Variants in MARCO observed in about 807,000 individuals in gnomAD.
MARCO encodes macrophage receptor with collagenous structure, also known as macrophage receptor MARCO.
MARCO carries 72 observed loss-of-function variants against 70.0 expected under a neutral mutation model. That is an observed-to-expected ratio of 1.03 (90% confidence interval 0.85 to 1.25). The LOEUF is 1.25. MARCO is among the 50% of genes most tolerant of loss of function. The pLI is 0.00. For synonymous variants in MARCO, 273 were observed against 243.1 expected, an observed-to-expected ratio of 1.12 and a Z score of -1.14; for missense variants, 696 against 659.3, an observed-to-expected ratio of 1.06 and a Z score of -0.61.
chr2:118,972,713 T>C (rs1389232724), intron 4 of MARCO, among the ~76,000 whole-genome samples: 3 of 152,248 alleles, frequency 2.0e-5, no homozygotes, highest in Non-Finnish European at 2.9e-5. Context: ...TCTGTTATTC[T>C]TGAGAAAACT....
Position 118,991,860 on chromosome 2 carries a change from G to C in MARCO, c.1192G>C (p.Asp398His). ...GAPGQAGQKG[D>H]QGVKGSSGEQ... The stretch of plus-strand genomic sequence containing the variant: ...CCCTGGACAAGCTGGCCAGAAGGGA[G>C]ACCAGGGAGTGAAAGGTAAGGCCTC... The change falls in exon 14 of 17, where the codon GAC becomes CAC. Residue 398 changes from aspartate to histidine, a missense_variant. Physicochemically the swap from Asp to His is moderately conservative, Grantham distance 81. Transcript: ENST00000327097. The C allele has an allele frequency of 1.9e-6, 3 of 1,597,458 alleles. No homozygotes were observed. The highest frequency in any genetic ancestry group is 2.6e-6 in the Non-Finnish European group (3 of 1,173,076).
At chr2:118,949,453 G>A (rs1679675957) in intron 1 of MARCO, 1 of 152,206 alleles carries the variant, frequency 6.6e-6, no homozygotes, top group Admixed American at 6.5e-5. Flanking sequence ...GTCATAGTTT[G>A]ATTTTGTAGG....
intron 2 of MARCO, 104 bp from the exon 3 acceptor site, chr2:118,970,010 T>G (rs1680131138): frequency 2.0e-6 from 2 of 1,004,816 alleles, no homozygotes; most frequent in Non-Finnish European, 3.1e-6. Flanking sequence ...AATTTGTGTT[T>G]ACAAATTCAG....
Position 118,971,532 on chromosome 2 carries a change from C to T in MARCO, c.458C>T (p.Pro153Leu). 6.2e-7 allele frequency: 1 copy of T among 1,613,926 alleles called. No homozygotes were observed. Among genetic ancestry groups the T allele is most frequent in the Non-Finnish European group, 8.5e-7 (1 of 1,179,862 alleles). ...MFRIKGEQGA[P>L]GLQGHKGAMG... Reference sequence around the variant, plus strand: ...AGAATCAAAGGTGAACAAGGCGCCCCAGGTAGGTTCATTTCCACTCACACC... The same window carrying T: ...AGAATCAAAGGTGAACAAGGCGCCCTAGGTAGGTTCATTTCCACTCACACC... The change falls in exon 4 of 17, where the codon CCA becomes CTA. Residue 153 changes from proline to leucine, a missense_variant and splice_region_variant. By Grantham distance (98) the Pro-to-Leu change is moderately conservative (BLOSUM62 -3). Coordinates refer to ENST00000327097, the MANE Select transcript of MARCO (RefSeq NM_006770.4).
chr2:118,963,817 A>G (rs1679993568), intron 1 of MARCO, among the ~76,000 whole-genome samples: 1 of 152,172 alleles, frequency 6.6e-6, no homozygotes, highest in Admixed American at 6.5e-5. Context: ...CAGTTTGGCA[A>G]TATCCGTCCT....
chr2:118,982,439 T>A (rs769187066), intron 12 of MARCO, 29 bp downstream of exon 12: 1 of 1,603,554 alleles, frequency 6.2e-7, no homozygotes, highest in East Asian at 2.2e-5. Context: ...GGTGAGTAGG[T>A]GGGCTTGCTG....
intron 1 of MARCO, among the ~76,000 whole-genome samples, chr2:118,966,679 G>A (rs1306064954): frequency 6.6e-6 from 1 of 152,102 alleles, no homozygotes; most frequent in Non-Finnish European, 1.5e-5. Context: ...CTGACCATAT[G>A]GTTTCAAAAT....
chr2:118,969,069 C>T (rs1429123911), intron 1 of MARCO, 91 bp from the exon 2 acceptor site: 4 of 882,012 alleles, frequency 4.5e-6, no homozygotes, highest in East Asian at 2.4e-5. Context: ...CAGGGTGCCC[C>T]CTGCTCACAT....
rs759198550 is a variant in MARCO at position 118,977,944 on chromosome 2, C to T, written c.766+9C>T. 4.4e-5 allele frequency: 69 copies of T among 1,575,032 alleles called. No individual in the cohort carries two copies. Among genetic ancestry groups the T allele is most frequent in the African/African-American group, 8.1e-5 (6 of 74,000 alleles). ...AGACCTGGGTCTCCCAGGTGAGGGC[C>T]GTATTGGGGGTGTCGGTGCTTGCCA... On this transcript the variant is annotated intron_variant, in intron 8 of 16. Coordinates refer to ENST00000327097, the MANE Select transcript of MARCO (RefSeq NM_006770.4).
intron 12 of MARCO, among the ~76,000 whole-genome samples, chr2:118,984,513 T>G (rs754530856): frequency 6.6e-6 from 1 of 152,230 alleles, no homozygotes; most frequent in Non-Finnish European, 1.5e-5. Flanking sequence ...GCATTTCAAT[T>G]TGGGGCTTGT....
intron 1 of MARCO, among the ~76,000 whole-genome samples, chr2:118,954,852 T>A (rs1274940920): frequency 6.6e-6 from 1 of 151,846 alleles, no homozygotes; most frequent in Non-Finnish European, 1.5e-5. Context: ...GGAAGCCACA[T>A]CCACAGGAAA....
At chr2:118,973,068 C>T (rs529654400) in intron 4 of MARCO, among the ~76,000 whole-genome samples, 3 of 149,820 alleles carry the variant, frequency 2.0e-5, no homozygotes, top group Non-Finnish European at 4.4e-5. Flanking sequence ...AACTCCAACT[C>T]TCTCTCTCCA....
In MARCO at chr2:118,982,354, C is replaced by A; in HGVS notation, c.1007C>A (p.Pro336Gln). The change falls in exon 12 of 17, where the codon CCA (proline) becomes CAA (glutamine). Residue 336 changes from proline (P) to glutamine (Q), a missense_variant. Around this residue, in one of 3 missense-constraint regions of MARCO, gnomAD observed 605 missense variants for 537.6 expected, o/e 1.13. Coordinates refer to ENST00000327097, the MANE Select transcript of MARCO (RefSeq NM_006770.4). ...TGTGGTGTCTGTTGTCCAGGACTTC[C>A]AGGGAGCCCCGGGAGTCCAGGAGCC... is the stretch of plus-strand genomic sequence containing the variant. The part of the protein sequence containing the change: ...SAGSPGRAGL[P>Q]GSPGSPGATG... The A allele has an allele frequency of 6.2e-7, 1 of 1,613,912 alleles. No homozygotes were observed.
At position 118,993,291 on chromosome 2, in the gene MARCO, G is replaced by T; in HGVS notation, c.1420G>T (p.Val474Leu). 1 of 1,614,118 alleles carries T rather than the reference G, an allele frequency of 6.2e-7. No homozygotes were observed. Among genetic ancestry groups the T allele is most frequent in the South Asian group, 1.1e-5 (1 of 91,080 alleles). The change falls in exon 16 of 17, where the codon GTG becomes TTG. Residue 474 changes from valine (V) to leucine (L), a missense_variant. Physicochemically the swap from Val to Leu is conservative, Grantham distance 32. Transcript: ENST00000327097. ...GYSKGRALYK[V>L]GAGTGQIWLD... ...CTCCAAAGGAAGGGCCCTGTACAAAGTGGGAGCTGGTAAGTGAGTCATCAG... is the reference window on the plus strand; with the variant it reads ...CTCCAAAGGAAGGGCCCTGTACAAATTGGGAGCTGGTAAGTGAGTCATCAG...
chr2:118,976,367 C>T (rs1208149028), intron 6 of MARCO, among the ~76,000 whole-genome samples: 4 of 152,140 alleles, frequency 2.6e-5, no homozygotes, highest in African/African-American at 9.7e-5. Context: ...CTGGCATCCT[C>T]AGGAAAAGCT....
chr2:118,950,893 G>A (rs572696470), intron 1 of MARCO, among the ~76,000 whole-genome samples: 1 of 152,096 alleles, frequency 6.6e-6, no homozygotes, highest in African/African-American at 2.4e-5. Flanking sequence ...AAGATTAGAA[G>A]TTAGGATAAT....
intron 1 of MARCO, among the ~76,000 whole-genome samples, chr2:118,959,482 A>T (rs1185363476): frequency 6.6e-6 from 1 of 152,114 alleles, no homozygotes; most frequent in Non-Finnish European, 1.5e-5. Flanking sequence ...AATCAAAAAA[A>T]CCACAGATGT....
At chr2:118,945,990 T>G (rs1218519955) in intron 1 of MARCO, among the ~76,000 whole-genome samples, 1 of 152,188 alleles carries the variant, frequency 6.6e-6, no homozygotes, top group Non-Finnish European at 1.5e-5. Context: ...CTGCTATTAT[T>G]TCATGTCATT....
Position 118,969,281 on chromosome 2 carries a change from G to A in MARCO, c.199+20G>A, listed in dbSNP as rs1476974075. 1.2e-6 allele frequency: 2 copies of A among 1,603,800 alleles called. No homozygotes were observed. The highest frequency in any genetic ancestry group is 8.5e-7 in the Non-Finnish European group (1 of 1,170,908). On this transcript the variant is annotated intron_variant, in intron 2 of 16. Transcript: ENST00000327097. ...TCCAAGGTAAAGCAGGCTTGGTCCT[G>A]TGTAGTCCCTCCTGGGGGGAGAGGG...
Sources: gnomAD v4.1 joint callset for allele counts (sites outside exome capture counted in the v4.1 genomes callset) on GRCh38, gnomAD v4.1.1 for gene constraint, gnomAD v4.1.1 regional missense constraint, MANE v1.5 for transcripts, NCBI Gene and HGNC (gene_info 2026-07-23, HGNC 2026-07-21) for gene names.